GLIS3: variants seen among roughly 807,000 people sequenced by gnomAD.
The protein encoded by GLIS3 is zinc finger protein GLIS3.
GLIS3 carries 53 observed loss-of-function variants against 78.6 expected under a neutral mutation model. The ratio of observed to expected loss-of-function variants is 0.67; its 90% confidence interval spans 0.54 to 0.85. GLIS3 has a LOEUF of 0.85. GLIS3 is among the 40% of genes least tolerant of loss of function. GLIS3 has a pLI of 0.00. For synonymous variants in GLIS3, 684 were observed against 509.9 expected (o/e 1.34, Z -4.60); for missense variants, 1,703 against 1,231.1 (o/e 1.38, Z -5.74).
the GLIS3 span, among the ~76,000 whole-genome samples, chr9:4,361,003 TGAC>T: frequency 6.6e-6 from 1 of 152,244 alleles, no homozygotes; most frequent in Non-Finnish European, 1.5e-5. Flanking sequence ...GTCCTAGCCT[TGAC>T]ATTTTCTTTC....
chr9:4,215,876 GT>G (rs1563770103), intron 2 of GLIS3, among the ~76,000 whole-genome samples: 2 of 152,076 alleles, frequency 1.3e-5, no homozygotes, highest in African/African-American at 4.8e-5. Flanking sequence ...TTTCAATATC[GT>G]TTTCAAAAAT....
chr9:4,445,936 T>A, the GLIS3 span, among the ~76,000 whole-genome samples: 1,881 of 152,340 alleles, frequency 0.012, 37 homozygotes, highest in African/African-American at 0.042. Context: ...TTTCACCATA[T>A]CAGAGTATAG....
chr9:3,892,290 C>T (rs1222460996), intron 7 of GLIS3, among the ~76,000 whole-genome samples: 2 of 152,130 alleles, frequency 1.3e-5, no homozygotes, highest in African/African-American at 2.4e-5. Context: ...AAAACTAAGA[C>T]TCCAATAAGA....
intron 4 of GLIS3, among the ~76,000 whole-genome samples, chr9:3,970,923 A>T (rs1175708489): frequency 2.6e-5 from 4 of 151,920 alleles, no homozygotes; most frequent in Admixed American, 2.6e-4. Context: ...TTCTGAGGGG[A>T]AATAAAAAAA....
chr9:4,027,218 C>T (rs1464679077), intron 4 of GLIS3, among the ~76,000 whole-genome samples: 1 of 152,200 alleles, frequency 6.6e-6, no homozygotes, highest in Non-Finnish European at 1.5e-5. Flanking sequence ...TTTAACTGAA[C>T]AACGCTTAGC....
At chr9:4,258,498 T>G (rs1005282694) in intron 2 of GLIS3, among the ~76,000 whole-genome samples, 14 of 152,218 alleles carry the variant, frequency 9.2e-5, no homozygotes, top group African/African-American at 3.4e-4. Context: ...GTCTTCCTAT[T>G]ATCTTTGCAA....
intron 9 of GLIS3, among the ~76,000 whole-genome samples, chr9:3,846,827 G>A (rs1183561893): frequency 6.6e-6 from 1 of 152,182 alleles, no homozygotes; most frequent in Non-Finnish European, 1.5e-5. Context: ...TAAGTGAATT[G>A]TTAGTTCATC....
intron 2 of GLIS3, among the ~76,000 whole-genome samples, chr9:4,225,549 C>A (rs1300676584): frequency 6.6e-6 from 1 of 152,148 alleles, no homozygotes; most frequent in Non-Finnish European, 1.5e-5. Context: ...AGTAAAACTG[C>A]CTCTTGAGTC....
At chr9:4,127,673 C>T (rs902246865) in intron 2 of GLIS3, among the ~76,000 whole-genome samples, 6 of 151,996 alleles carry the variant, frequency 3.9e-5, no homozygotes, top group Admixed American at 6.6e-5. Flanking sequence ...TAGCCTAGTC[C>T]AGTATATAAG....
chr9:4,167,809 G>C (rs1278420528), intron 2 of GLIS3, among the ~76,000 whole-genome samples: 2 of 152,170 alleles, frequency 1.3e-5, no homozygotes, highest in Non-Finnish European at 2.9e-5. Context: ...GGGACTGACT[G>C]GTTTACACGG....
intron 4 of GLIS3, among the ~76,000 whole-genome samples, chr9:3,985,174 T>G (rs1819639680): frequency 6.6e-6 from 1 of 152,108 alleles, no homozygotes; most frequent in Admixed American, 6.6e-5. Flanking sequence ...AGACAGGGTC[T>G]TGCTCTGTTG....
At chr9:4,479,382 G>C in the GLIS3 span, among the ~76,000 whole-genome samples, 2 of 152,146 alleles carry the variant, frequency 1.3e-5, no homozygotes, top group Admixed American at 1.3e-4. Context: ...GGCCTTTGTG[G>C]ATAAAATCTA....
chr9:4,424,837 G>A, the GLIS3 span, among the ~76,000 whole-genome samples: 3 of 151,932 alleles, frequency 2.0e-5, no homozygotes, highest in African/African-American at 7.3e-5. Context: ...TAGGATTAAA[G>A]GTGTGAGCCA....
chr9:3,899,151 C>T (rs771827674), intron 6 of GLIS3, among the ~76,000 whole-genome samples: 3 of 152,044 alleles, frequency 2.0e-5, no homozygotes, highest in Admixed American at 6.5e-5. Flanking sequence ...GAACTTGTAA[C>T]GATAACAACA....
rs911190171 is a variant in GLIS3 at position 3,824,758 on chromosome 9, G to A, written c.*3514C>T. ...CGTGAGTGTATATAACTATGTACAA[G>A]AGTCTGTGTGATTTATGGAAAACAG... On this transcript the variant is annotated 3_prime_UTR_variant, in exon 11 of 11. Coordinates refer to ENST00000381971, the MANE Select transcript of GLIS3 (RefSeq NM_001042413.2). 3.3e-5 allele frequency: 5 copies of A among 152,482 alleles called. No individual in the cohort carries two copies. The highest frequency in any genetic ancestry group is 1.2e-4 in the African/African-American group (5 of 41,402). The allele number at this position is 152,482 out of a possible 1,614,324, so 9.4% of individuals were successfully genotyped here. A position where few individuals can be genotyped will look rare whatever the true frequency, so the allele number is the denominator to read the frequency against.
intron 2 of GLIS3, among the ~76,000 whole-genome samples, chr9:4,198,710 G>A (rs982994086): frequency 1.1e-4 from 17 of 151,984 alleles, no homozygotes; most frequent in Non-Finnish European, 1.9e-4. Context: ...GAAATCCAGA[G>A]AACACCTATG....
chr9:4,107,389 C>A (rs768797828), intron 4 of GLIS3, among the ~76,000 whole-genome samples: 1 of 152,096 alleles, frequency 6.6e-6, no homozygotes, highest in Non-Finnish European at 1.5e-5. Flanking sequence ...AGAAGTCAAG[C>A]CTGTCACTTC....
Position 3,932,249 on chromosome 9 carries a change from G to A in GLIS3, c.1983+111C>T. ...TTACCTCCTCAAACGGTCTAAAGCA[G>A]GTTATACCATGAGAAGTATAAGAAT... On this transcript the variant is annotated intron_variant, in intron 6 of 10. Transcript: ENST00000381971. 3 of 811,352 alleles carry A rather than the reference G, an allele frequency of 3.7e-6. 1 individual carries two copies. Among genetic ancestry groups the A allele is most frequent in the South Asian group, 2.8e-5 (2 of 71,814 alleles). The allele number at this position is 811,352 out of a possible 1,614,324, so 50.3% of individuals were successfully genotyped here.
intron 9 of GLIS3, among the ~76,000 whole-genome samples, chr9:3,837,491 C>G (rs917667299): frequency 6.6e-6 from 1 of 152,192 alleles, no homozygotes; most frequent in African/African-American, 2.4e-5. Flanking sequence ...TAGCATTATT[C>G]ATCACTGCCA....
Sources: allele counts gnomAD v4.1 joint callset (sites outside exome capture counted in the v4.1 genomes callset), GRCh38; gene constraint gnomAD v4.1.1; transcripts MANE v1.5; gene names NCBI Gene and HGNC (gene_info 2026-07-23, HGNC 2026-07-21).